Variants in LRP1B observed in about 807,000 individuals in gnomAD.
The protein encoded by LRP1B is low-density lipoprotein receptor-related protein 1B.
LRP1B carries 217 observed loss-of-function variants against 556.6 expected under a neutral mutation model. The observed-to-expected ratio is 0.39, with a 90% CI of 0.35 to 0.44. LRP1B has a LOEUF of 0.44. Ranked by LOEUF, LRP1B falls within the 20% of genes least tolerant of loss-of-function variation. The pLI is 1.00. For synonymous variants in LRP1B, 2,047 were observed against 1,865.8 expected (o/e 1.10, Z -2.50); for missense variants, 5,053 against 5,620.8 (o/e 0.90, Z 3.23).
chr2:141,559,224 G>A (rs920062558), intron 2 of LRP1B, among the ~76,000 whole-genome samples: 2 of 151,400 alleles, frequency 1.3e-5, no homozygotes, highest in Non-Finnish European at 3.0e-5. Context: ...TTTTAGGAAT[G>A]GTGAATATTT....
At chr2:140,660,563 T>G (rs1172214997) in intron 41 of LRP1B, among the ~76,000 whole-genome samples, 1 of 152,076 alleles carries the variant, frequency 6.6e-6, no homozygotes, top group African/African-American at 2.4e-5. Flanking sequence ...TCTCCCAAAC[T>G]CCCTCTCTGA....
At chr2:140,364,873 T>G (rs1384448497) in intron 71 of LRP1B, 90 bp from the exon 72 acceptor site, 9 of 1,135,686 alleles carry the variant, frequency 7.9e-6, no homozygotes, top group Non-Finnish European at 1.1e-5. Flanking sequence ...TAGCAAACAG[T>G]ATCTAGTTGA....
chr2:141,799,311 T>C (rs1049940746), intron 2 of LRP1B, among the ~76,000 whole-genome samples: 1 of 152,128 alleles, frequency 6.6e-6, no homozygotes, highest in Non-Finnish European at 1.5e-5. Flanking sequence ...TCTAGTCACA[T>C]GATGTCTTTA....
At chr2:140,746,837 T>C (rs886580465) in intron 35 of LRP1B, among the ~76,000 whole-genome samples, 5 of 151,860 alleles carry the variant, frequency 3.3e-5, no homozygotes, top group Non-Finnish European at 7.4e-5. Context: ...GGTAAACCTA[T>C]GTTCATTAAC....
At chr2:141,470,781 G>A (rs1287616032) in intron 3 of LRP1B, among the ~76,000 whole-genome samples, 1 of 152,120 alleles carries the variant, frequency 6.6e-6, no homozygotes, top group East Asian at 1.9e-4. Context: ...AGAGCTGAGT[G>A]ACAGTTTGTT....
At chr2:141,295,625 T>G (rs751586107) in intron 3 of LRP1B, among the ~76,000 whole-genome samples, 1 of 152,118 alleles carries the variant, frequency 6.6e-6, no homozygotes, top group Non-Finnish European at 1.5e-5. Flanking sequence ...AGTAGGACAC[T>G]GGTAAATTAG....
intron 43 of LRP1B, among the ~76,000 whole-genome samples, chr2:140,573,987 AAAAG>A (rs1460594325): frequency 1.2e-4 from 19 of 152,224 alleles, no homozygotes; most frequent in African/African-American, 4.1e-4. Context: ...ACAATAGAAA[AAAAG>A]AAAGATTTGA....
intron 11 of LRP1B, among the ~76,000 whole-genome samples, chr2:141,042,459 G>A (rs920428513): frequency 6.6e-6 from 1 of 152,096 alleles, no homozygotes; most frequent in Non-Finnish European, 1.5e-5. Flanking sequence ...GTAATAAACT[G>A]TACTTTGTCT....
At chr2:140,756,858 G>A (rs967206075) in intron 35 of LRP1B, among the ~76,000 whole-genome samples, 2 of 151,806 alleles carry the variant, frequency 1.3e-5, no homozygotes, top group African/African-American at 2.4e-5. Flanking sequence ...GATTCAAAAG[G>A]CACCTTTGAA....
chr2:140,356,446 A>C lies in LRP1B; in HGVS notation c.11426T>G (p.Val3809Gly). 6.2e-7 allele frequency: 1 copy of C among 1,607,192 alleles called. No individual in the cohort carries two copies. Among genetic ancestry groups the C allele is most frequent in the Non-Finnish European group, 8.5e-7 (1 of 1,174,574 alleles). Residue 3809 changes from valine (V) to glycine (G), a missense_variant, in exon 75 of 91, where the codon GTG becomes GGG. Around this residue, in one of 5 missense-constraint regions of LRP1B, gnomAD observed 599 missense variants for 648.4 expected, o/e 0.92. Coordinates refer to ENST00000389484, the MANE Select transcript of LRP1B (RefSeq NM_018557.3). ...APTEYTCEDN[V>G]NPCGDDAYCN... ...ATATGCATCATCTCCACATGGATTC[A>C]CATTATCTTCACAGGTATATTCAGT... is the stretch of plus-strand genomic sequence containing the variant.
chr2:141,848,493 A>C (rs1697732382), intron 1 of LRP1B, among the ~76,000 whole-genome samples: 2 of 151,594 alleles, frequency 1.3e-5, no homozygotes, highest in African/African-American at 4.8e-5. Context: ...TCTATAAATA[A>C]TATGTGGTAT....
intron 3 of LRP1B, among the ~76,000 whole-genome samples, chr2:141,356,590 G>GTTTTTTTTTTTTTTT (rs1279270542): frequency 6.6e-6 from 1 of 151,492 alleles, no homozygotes; most frequent in Non-Finnish European, 1.5e-5. Flanking sequence ...TAACATGTAT[G>GTTTTTTTTTTTTTTT]TTTTTAAGAA....
chr2:140,718,311 GT>G (rs1687281261), intron 35 of LRP1B, among the ~76,000 whole-genome samples: 1 of 151,904 alleles, frequency 6.6e-6, no homozygotes, highest in African/African-American at 2.4e-5. Flanking sequence ...TCCTGATTAT[GT>G]TTGCACATGC....
chr2:141,650,506 A>G lies in LRP1B; in HGVS notation c.205+159773T>C, dbSNP rs144440647. ...TTAAGAAATACACTGACCTGATTAC[A>G]TTTGAGTTTTTCAAACATTACCATG... On this transcript the variant is annotated intron_variant, in intron 2 of 90. Coordinates refer to ENST00000389484, the MANE Select transcript of LRP1B (RefSeq NM_018557.3). 1.9e-3 allele frequency among the ~76,000 whole-genome samples: 289 copies of G among 152,308 alleles called. 2 individuals carry two copies. The highest frequency in any genetic ancestry group is 6.8e-3 in the African/African-American group (282 of 41,572).
At chr2:140,458,080 C>A (rs1301406362) in intron 60 of LRP1B, among the ~76,000 whole-genome samples, 2 of 151,864 alleles carry the variant, frequency 1.3e-5, no homozygotes. Context: ...AAGATCATTG[C>A]CCTACTTTTT....
At chr2:140,426,833 T>C (rs1331823551) in intron 66 of LRP1B, among the ~76,000 whole-genome samples, 2 of 152,144 alleles carry the variant, frequency 1.3e-5, no homozygotes, top group Non-Finnish European at 2.9e-5. Context: ...TCGGGGGACC[T>C]CCTTTGGGAG....
intron 41 of LRP1B, among the ~76,000 whole-genome samples, chr2:140,605,639 ACTGC>A (rs980531937): frequency 7.1e-6 from 1 of 140,820 alleles, no homozygotes; most frequent in African/African-American, 2.7e-5. Flanking sequence ...CTGCTTCCTT[ACTGC>A]CTGCCTGCCT....
intron 2 of LRP1B, among the ~76,000 whole-genome samples, chr2:141,642,593 G>A (rs954401129): frequency 6.6e-6 from 1 of 152,138 alleles, no homozygotes; most frequent in South Asian, 2.1e-4. Flanking sequence ...TTTCTTGGTA[G>A]CACAATCCTG....
At chr2:141,158,707 T>G (rs1702127945) in intron 7 of LRP1B, among the ~76,000 whole-genome samples, 1 of 152,196 alleles carries the variant, frequency 6.6e-6, no homozygotes, top group Non-Finnish European at 1.5e-5. Flanking sequence ...TAGGCCTCTT[T>G]GCACAGTCGG....
Sources: gnomAD v4.1 joint callset for allele counts (sites outside exome capture counted in the v4.1 genomes callset) on GRCh38, gnomAD v4.1.1 for gene constraint, gnomAD v4.1.1 regional missense constraint, MANE v1.5 for transcripts, NCBI Gene and HGNC (gene_info 2026-07-23, HGNC 2026-07-21) for gene names.